ATP2B2: variants seen among roughly 807,000 people sequenced by gnomAD.
ATP2B2 encodes the protein plasma membrane calcium-transporting ATPase 2.
A neutral mutation model predicts 120.0 loss-of-function variants in ATP2B2; 15 were observed. That is an observed-to-expected ratio of 0.12 (90% CI 0.08 to 0.19). The LOEUF (loss-of-function observed/expected upper bound fraction) is 0.19, where lower values mean the gene tolerates loss of function less well. ATP2B2 is among the 10% of genes least tolerant of loss of function. The probability of loss-of-function intolerance (pLI) is 1.00; values close to 1 mark genes in which losing one functional copy is unlikely to be tolerated. For synonymous variants in ATP2B2, 694 were observed against 700.3 expected (o/e 0.99, Z 0.14); for missense variants, 1,045 against 1,719.8 (o/e 0.61, Z 6.94).
chr3:10,444,464 G>T (rs891191985), intron 2 of ATP2B2, among the ~76,000 whole-genome samples: 1 of 152,176 alleles, frequency 6.6e-6, no homozygotes, highest in Admixed American at 6.5e-5. Flanking sequence ...CATCTCCCAT[G>T]ATCTGCTCTC....
intron 2 of ATP2B2, among the ~76,000 whole-genome samples, chr3:10,573,256 T>C (rs1191441720): frequency 6.6e-6 from 1 of 152,064 alleles, no homozygotes; most frequent in Non-Finnish European, 1.5e-5. Context: ...ACATTAGTAA[T>C]GCAATGAATA....
chr3:10,676,928 G>T (rs574303891), intron 1 of ATP2B2, among the ~76,000 whole-genome samples: 5 of 152,316 alleles, frequency 3.3e-5, no homozygotes, highest in Admixed American at 3.3e-4. Flanking sequence ...TGGTGAGGAG[G>T]TAGAGCAACA....
At chr3:10,530,446 C>T (rs1017749730) in intron 3 of ATP2B2, among the ~76,000 whole-genome samples, 1 of 152,198 alleles carries the variant, frequency 6.6e-6, no homozygotes, top group Non-Finnish European at 1.5e-5. Flanking sequence ...CACCGCACCA[C>T]GCTTCCTCCC....
At chr3:10,357,541 G>T (rs761925750) in intron 14 of ATP2B2, among the ~76,000 whole-genome samples, 1 of 152,196 alleles carries the variant, frequency 6.6e-6, no homozygotes, top group Non-Finnish European at 1.5e-5. Flanking sequence ...GGGAAACTGA[G>T]GCTCAGAGAG....
At position 10,329,000 on chromosome 3, in the gene ATP2B2, G is replaced by A. The variant is rs750991096; in HGVS notation, c.3546C>T (p.Ile1182=). 6.2e-7 allele frequency: 1 copy of A among 1,613,976 alleles called. No individual in the cohort carries two copies. The highest frequency in any genetic ancestry group is 2.2e-5 in the East Asian group (1 of 44,858). The change falls in exon 23 of 23, where the codon ATC becomes ATT. Residue 1182 remains isoleucine, a synonymous_variant. Transcript: ENST00000360273. The stretch of plus-strand genomic sequence containing the variant: ...CCAGGTCGGTGTCATCAATGAGGGG[G>A]ATGTGGGGCTGGGAATCTTCGATCC... ...EFRIEDSQPH[I]PLIDDTDLEE... is the part of the protein sequence containing the mutation.
intron 1 of ATP2B2, among the ~76,000 whole-genome samples, chr3:10,484,828 T>A (rs1482329440): frequency 2.0e-5 from 3 of 152,124 alleles, no homozygotes; most frequent in African/African-American, 7.2e-5. Context: ...AAGCAATGAG[T>A]CTGTGTCCTA....
chr3:10,522,417 C>G (rs1454691101), intron 3 of ATP2B2, among the ~76,000 whole-genome samples: 1 of 152,174 alleles, frequency 6.6e-6, no homozygotes, highest in Non-Finnish European at 1.5e-5. Flanking sequence ...CTGAGACCTT[C>G]CCTGGGATCC....
chr3:10,530,109 C>T (rs2067179568), intron 3 of ATP2B2, among the ~76,000 whole-genome samples: 1 of 152,162 alleles, frequency 6.6e-6, no homozygotes, highest in African/African-American at 2.4e-5. Flanking sequence ...AGATGACAGA[C>T]TCTCTTTTCG....
chr3:10,601,671 C>G (rs533551792), intron 2 of ATP2B2, among the ~76,000 whole-genome samples: 196 of 152,312 alleles, frequency 1.3e-3, no homozygotes, highest in African/African-American at 4.4e-3. Flanking sequence ...GGTGGCTCAC[C>G]AGAGCCTGGC....
At chr3:10,507,948 G>A (rs1232760450), upstream of ATP2B2, among the ~76,000 whole-genome samples, 6 of 116,830 alleles carry the variant, frequency 5.1e-5, no homozygotes, top group Admixed American at 1.8e-4. Flanking sequence ...CATCATGAGT[G>A]TGGGCTCACT....
At chr3:10,568,198 G>A (rs1354253086) in intron 2 of ATP2B2, among the ~76,000 whole-genome samples, 1 of 152,206 alleles carries the variant, frequency 6.6e-6, no homozygotes, top group South Asian at 2.1e-4. Flanking sequence ...ACCAAGGACA[G>A]CTCGCTTACC....
At chr3:10,599,464 T>A (rs560992695) in intron 2 of ATP2B2, among the ~76,000 whole-genome samples, 1 of 152,092 alleles carries the variant, frequency 6.6e-6, no homozygotes, top group South Asian at 2.1e-4. Context: ...GTTCTCCCAG[T>A]GCACTCTAAT....
intron 2 of ATP2B2, among the ~76,000 whole-genome samples, chr3:10,561,394 G>A (rs867908103): frequency 1.3e-4 from 20 of 152,166 alleles, no homozygotes; most frequent in Middle Eastern, 3.2e-3. Context: ...ACCCCCCAGC[G>A]GTCCCCTGGC....
rs138071597 is a variant in ATP2B2 at position 10,340,179 on chromosome 3, C to T, written c.3237+63G>A. ...CCCATTCCTGGGGGTCCTGGATTCT[C>T]CATCCAGTGCTGTCTCCCTTGCCCT... On this transcript the variant is annotated intron_variant, in intron 21 of 22. Transcript: ENST00000360273. The surrounding 1 kb of genome is among the most constrained non-coding windows in gnomAD (Gnocchi z 5.0). 3.7e-4 allele frequency: 547 copies of T among 1,498,030 alleles called. 6 individuals carry two copies. The East Asian group carries it at 0.011, about 31-fold the overall frequency. The allele number at this position is 1,498,030 out of a possible 1,614,324, so 92.8% of individuals were successfully genotyped here. A position where few individuals can be genotyped will look rare whatever the true frequency, so the allele number is the denominator to read the frequency against.
chr3:10,666,339 G>A (rs532069976), intron 1 of ATP2B2, among the ~76,000 whole-genome samples: 2 of 152,186 alleles, frequency 1.3e-5, no homozygotes, highest in South Asian at 4.1e-4. Flanking sequence ...CCCTGGCCTT[G>A]AGCCAGATGC....
In ATP2B2 at chr3:10,340,550, G is replaced by A. The variant is rs779913030; in HGVS notation, c.3072C>T (p.Asp1024=). ...AGAAGATGGGGTTCCGGAAGATGCC[G>A]TCAAAGACATTGCGCTCGCCGTGGA... The part of the protein sequence containing the change: ...RKIHGERNVF[D]GIFRNPIFCT... Residue 1024 remains aspartate, a synonymous_variant, in exon 20 of 23, where the codon GAC becomes GAT. Transcript: ENST00000360273. The surrounding 1 kb of genome is among the most constrained non-coding windows in gnomAD (Gnocchi z 5.0). 1.1e-5 allele frequency: 17 copies of A among 1,614,256 alleles called. No homozygotes were observed. The highest frequency in any genetic ancestry group is 1.0e-4 in the Admixed American group (6 of 60,034).
Position 10,393,851 on chromosome 3 carries a change from C to A in ATP2B2, c.782-5449G>T, listed in dbSNP as rs183272198. Among the ~76,000 whole-genome samples the A allele has an allele frequency of 5.3e-5, 8 of 152,324 alleles. No individual in the cohort carries two copies. The East Asian group carries it at 1.5e-3, about 29-fold the overall frequency. ...GACCTTCCCAGCTGCAGGCTCAAAG[C>A]CCATCCTGGCCTTGGGCCTGTCCTG... On this transcript the variant is annotated intron_variant, in intron 5 of 22. Transcript: ENST00000360273.
At chr3:10,350,631 C>T (rs2060553747) in intron 14 of ATP2B2, 54 bp from the exon 15 acceptor site, 3 of 1,576,838 alleles carry the variant, frequency 1.9e-6, no homozygotes, top group African/African-American at 2.7e-5. Flanking sequence ...GCAGACTCCC[C>T]CTGCCTTCAT....
chr3:10,330,593 G>C (rs577134694), intron 22 of ATP2B2, among the ~76,000 whole-genome samples: 1 of 152,370 alleles, frequency 6.6e-6, no homozygotes, highest in East Asian at 1.9e-4. Flanking sequence ...GCTGTGTGCA[G>C]GCCAAGTGGC....
Sources: allele counts gnomAD v4.1 joint callset (sites outside exome capture counted in the v4.1 genomes callset), GRCh38; gene constraint gnomAD v4.1.1; non-coding constraint Gnocchi (gnomAD v3.1); transcripts MANE v1.5; gene names NCBI Gene and HGNC (gene_info 2026-07-23, HGNC 2026-07-21).